The following LRP1B variants were observed in gnomAD, a reference collection of about 807,000 sequenced individuals.
LRP1B encodes the protein LDL receptor related protein 1B, also known as low-density lipoprotein receptor-related protein 1B.
A neutral mutation model predicts 556.6 loss-of-function variants in LRP1B; 217 were observed. The ratio of observed to expected loss-of-function variants is 0.39; its 90% confidence interval spans 0.35 to 0.44. LRP1B has a LOEUF of 0.44. Among genes scored for constraint, LRP1B ranks in the 20% least tolerant of loss-of-function variants. LRP1B has a pLI of 1.00. For missense variants in LRP1B, 5,053 were observed against 5,620.8 expected, an observed-to-expected ratio of 0.90 and a Z score of 3.23; for synonymous variants, 2,047 against 1,865.8, an observed-to-expected ratio of 1.10 and a Z score of -2.50.
intron 20 of LRP1B, among the ~76,000 whole-genome samples, chr2:140,946,844 T>C (rs548536238): frequency 1.3e-5 from 2 of 152,060 alleles, no homozygotes; most frequent in Non-Finnish European, 2.9e-5. Context: ...TATGCAACCA[T>C]AAAAAGGAAC....
chr2:141,010,249 G>T (rs1289457216), intron 14 of LRP1B, among the ~76,000 whole-genome samples: 1 of 151,934 alleles, frequency 6.6e-6, no homozygotes, highest in Non-Finnish European at 1.5e-5. Flanking sequence ...AAAAAGGAAA[G>T]TCTGTTATTT....
chr2:142,027,654 TG>T (rs1166622254), intron 1 of LRP1B, among the ~76,000 whole-genome samples: 7 of 146,990 alleles, frequency 4.8e-5, no homozygotes, highest in Non-Finnish European at 1.0e-4. Flanking sequence ...CATTAACATT[TG>T]TTACATTAAA....
At chr2:140,657,426 T>C (rs1684918200) in intron 41 of LRP1B, among the ~76,000 whole-genome samples, 1 of 151,574 alleles carries the variant, frequency 6.6e-6, no homozygotes, top group Non-Finnish European at 1.5e-5. Context: ...CATTGAATAA[T>C]ATTTTAGATC....
intron 84 of LRP1B, 74 bp from the exon 85 acceptor site, chr2:140,274,672 C>T (rs2104953168): frequency 8.1e-7 from 1 of 1,231,560 alleles, no homozygotes; most frequent in South Asian, 1.5e-5. Context: ...ATTAAGGTGA[C>T]CCTTTCATTT....
intron 3 of LRP1B, among the ~76,000 whole-genome samples, chr2:141,357,113 T>C (rs1688656913): frequency 6.6e-6 from 1 of 152,050 alleles, no homozygotes; most frequent in South Asian, 2.1e-4. Context: ...TGGAGTGCAG[T>C]GGTGCGATCT....
chr2:140,322,410 T>C (rs1006856774), intron 81 of LRP1B, among the ~76,000 whole-genome samples: 13 of 152,188 alleles, frequency 8.5e-5, no homozygotes, highest in Middle Eastern at 3.4e-3. Flanking sequence ...TGAAGTACCA[T>C]TGGGACTGTG....
chr2:141,062,219 C>T lies in LRP1B; in HGVS notation c.1068G>A (p.Met356Ile), dbSNP rs2105468732. ...GNVAKVERCD[M>I]DGMNRTRIID... Reference sequence around the variant, plus strand: ...TTATCCTTGTTCGGTTCATCCCATCCATGTCACATCTCTCCACTTTGGCGA... The same window carrying T: ...TTATCCTTGTTCGGTTCATCCCATCTATGTCACATCTCTCCACTTTGGCGA... The change falls in exon 8 of 91, where the codon ATG becomes ATA. Residue 356 changes from methionine (M) to isoleucine (I), a missense_variant. By Grantham distance (10) the Met-to-Ile change is conservative (BLOSUM62 1). Around this residue, in one of 5 missense-constraint regions of LRP1B, gnomAD observed 3,619 missense variants for 3,931.9 expected, o/e 0.92. Transcript: ENST00000389484. 6.2e-7 allele frequency: 1 copy of T among 1,611,540 alleles called. No individual in the cohort carries two copies. The highest frequency in any genetic ancestry group is 8.5e-7 in the Non-Finnish European group (1 of 1,178,462).
At chr2:141,611,102 T>C (rs866162667) in intron 2 of LRP1B, among the ~76,000 whole-genome samples, 36 of 152,196 alleles carry the variant, frequency 2.4e-4, no homozygotes, top group African/African-American at 8.7e-4. Context: ...GCCTGTTTTA[T>C]TCCATCAGCT....
intron 11 of LRP1B, among the ~76,000 whole-genome samples, chr2:141,044,662 T>C (rs1204921059): frequency 2.6e-5 from 4 of 151,762 alleles, no homozygotes; most frequent in African/African-American, 9.7e-5. Context: ...AAAAGACACA[T>C]GAAAAAATGC....
At chr2:141,114,195 G>A (rs2104975415) in intron 7 of LRP1B, among the ~76,000 whole-genome samples, 1 of 152,304 alleles carries the variant, frequency 6.6e-6, no homozygotes, top group African/African-American at 2.4e-5. Context: ...AACCTCTTTT[G>A]GGCTCTGGCC....
chr2:141,622,183 G>A (rs895175385), intron 2 of LRP1B, among the ~76,000 whole-genome samples: 5 of 152,038 alleles, frequency 3.3e-5, no homozygotes, highest in African/African-American at 4.8e-5. Context: ...GAGCCACCGC[G>A]CCTGGCTCAT....
intron 83 of LRP1B, among the ~76,000 whole-genome samples, chr2:140,311,063 T>A (rs961903549): frequency 6.6e-6 from 1 of 151,888 alleles, no homozygotes; most frequent in African/African-American, 2.4e-5. Flanking sequence ...GGAACACTTA[T>A]ACGCTGTTGG....
intron 1 of LRP1B, among the ~76,000 whole-genome samples, chr2:142,091,599 T>C (rs535276429): frequency 6.6e-6 from 1 of 152,266 alleles, no homozygotes; most frequent in Admixed American, 6.5e-5. Context: ...TGGCTAGATT[T>C]CTTTCTATAT....
rs12471736 is a variant in LRP1B at position 141,023,203 on chromosome 2, G to C, written c.1790-3101C>G. ...ATAATTTCTACAACATGTTATCTTT[G>C]TTCTAGTAATTTCAAAATAACTTAT... is the stretch of plus-strand genomic sequence containing the variant. On this transcript the variant is annotated intron_variant, in intron 11 of 90. Coordinates refer to ENST00000389484, the MANE Select transcript of LRP1B (RefSeq NM_018557.3). Among the ~76,000 whole-genome samples the C allele has an allele frequency of 0.016, 2,430 of 151,746 alleles. 176 individuals carry two copies. The East Asian group carries it at 0.22, about 14-fold the overall frequency.
At chr2:140,758,876 G>A (rs382721) in intron 35 of LRP1B, among the ~76,000 whole-genome samples, 68,747 of 151,800 alleles carry the variant, frequency 0.45, 16,221 homozygotes, top group East Asian at 0.6. Context: ...AATGAGAATA[G>A]TATGTCATAG....
At chr2:140,311,917 A>C (rs1471549905) in intron 83 of LRP1B, among the ~76,000 whole-genome samples, 1 of 151,860 alleles carries the variant, frequency 6.6e-6, no homozygotes, top group Non-Finnish European at 1.5e-5. Flanking sequence ...CCTTTACTAC[A>C]TATGTTTTGT....
chr2:140,440,112 A>T (rs553313622), intron 66 of LRP1B, among the ~76,000 whole-genome samples: 22 of 152,318 alleles, frequency 1.4e-4, no homozygotes. Flanking sequence ...TCCAACTGAT[A>T]ATGGAACTAT....
chr2:140,747,097 G>T (rs1573657069), intron 35 of LRP1B, among the ~76,000 whole-genome samples: 1 of 152,112 alleles, frequency 6.6e-6, no homozygotes, highest in Non-Finnish European at 1.5e-5. Flanking sequence ...AGTTTCTATG[G>T]CTGTGTAATA....
chr2:141,471,270 T>TTTTTTG (rs1682454925), intron 3 of LRP1B, among the ~76,000 whole-genome samples: 2 of 65,410 alleles, frequency 3.1e-5, no homozygotes, highest in African/African-American at 2.1e-4. Flanking sequence ...ACCCTGGTAT[T>TTTTTTG]TTTTTTTTTT....
Sources: gnomAD v4.1 joint callset for allele counts (sites outside exome capture counted in the v4.1 genomes callset) on GRCh38, gnomAD v4.1.1 for gene constraint, gnomAD v4.1.1 regional missense constraint, MANE v1.5 for transcripts, NCBI Gene and HGNC (gene_info 2026-07-23, HGNC 2026-07-21) for gene names.